PRKCQ: variants seen among roughly 807,000 people sequenced by gnomAD.
The protein encoded by PRKCQ is protein kinase C theta.
PRKCQ carries 41 observed loss-of-function variants against 91.2 expected under a neutral mutation model. The ratio of observed to expected loss-of-function variants is 0.45; its 90% CI spans 0.35 to 0.58. The LOEUF is 0.58. PRKCQ is among the 20% of genes least tolerant of loss of function. The pLI, the probability that PRKCQ is intolerant of heterozygous loss-of-function variation, is 0.00. For synonymous variants in PRKCQ, 307 were observed against 316.9 expected (o/e 0.97, Z 0.33); for missense variants, 673 against 896.5 (o/e 0.75, Z 3.18).
chr10:6,404,406 TC>T, the PRKCQ span, among the ~76,000 whole-genome samples: 1 of 151,010 alleles, frequency 6.6e-6, no homozygotes, highest in Non-Finnish European at 1.5e-5. Flanking sequence ...TTTCTTTCCT[TC>T]TTTCTTTCTT....
chr10:6,430,835 A>G lies in PRKCQ; in HGVS notation c.1940T>C (p.Ile647Thr), dbSNP rs763811294. 21 of 1,613,988 alleles carry G rather than the reference A, an allele frequency of 1.3e-5. No homozygotes were observed. The highest frequency in any genetic ancestry group is 6.7e-5 in the Admixed American group (4 of 60,002). Reference sequence around the variant, plus strand: ...CACTTTCGGCCGGAACGGTGGGTCAATCTCCTTCCGTTCAAGTTCCTCCCA... The same window carrying G: ...CACTTTCGGCCGGAACGGTGGGTCAGTCTCCTTCCGTTCAAGTTCCTCCCA... ...INWEELERKEIDPPFRPKVKS... is the reference protein window; with the variant it reads ...INWEELERKETDPPFRPKVKS... The change falls in exon 17 of 18, where the codon ATT (isoleucine) becomes ACT (threonine). Residue 647 changes from isoleucine to threonine, a missense_variant. By Grantham distance (89) the Ile-to-Thr change is moderately conservative. Transcript: ENST00000263125. This position sits in a 1 kb window ranked among gnomAD's most constrained non-coding sequence, Gnocchi z 4.7.
At position 6,491,793 on chromosome 10, in the gene PRKCQ, T is replaced by C; in HGVS notation, c.680A>G (p.Lys227Arg). 1 of 1,614,216 alleles carries C rather than the reference T, an allele frequency of 6.2e-7. No individual in the cohort carries two copies. Reference sequence around the variant, plus strand: ...TTTAAATCTGTGTGGCATGTCAATTTTGAATCTCTCCTTGTGGAACTGAAA... The same window carrying C: ...TTTAAATCTGTGTGGCATGTCAATTCTGAATCTCTCCTTGTGGAACTGAAA... ...RETMFHKERF[K>R]IDMPHRFKVY... The change falls in exon 8 of 18, where the codon AAA (lysine) becomes AGA (arginine). Residue 227 changes from lysine (K) to arginine (R), a missense_variant. By Grantham distance (26) the Lys-to-Arg change is conservative. Coordinates refer to ENST00000263125, the MANE Select transcript of PRKCQ (RefSeq NM_006257.5).
rs532569304 is a variant in PRKCQ, at chr10:6,577,046, CTGAT to C, written c.-10+3161_-10+3164del. ...CCATATTTCATTGGTTTTGTTGATGCTGATTATTATTATTATAATTAATACTATT... is the reference window on the plus strand; with the variant it reads ...CCATATTTCATTGGTTTTGTTGATGCTATTATTATTATAATTAATACTATT... On this transcript the variant is annotated intron_variant, in intron 1 of 17. Transcript: ENST00000263125. Among the ~76,000 whole-genome samples the C allele has an allele frequency of 1.6e-3, 251 of 152,194 alleles. 2 individuals are homozygous for C. Among genetic ancestry groups the C allele is most frequent in the African/African-American group, 5.5e-3 (228 of 41,518 alleles).
the PRKCQ span, among the ~76,000 whole-genome samples, chr10:6,412,425 T>G: frequency 0.99 from 150,500 of 152,332 alleles, 74,363 homozygotes; most frequent in East Asian, 1. Flanking sequence ...AAGTTCATTT[T>G]TAATAGCACA....
chr10:6,413,725 GCGCGCGCA>G, the PRKCQ span, among the ~76,000 whole-genome samples: 48 of 55,744 alleles, frequency 8.6e-4, 13 homozygotes, highest in African/African-American at 4.2e-3. Flanking sequence ...TGCCACTTGT[GCGCGCGCA>G]CACACACACA....
At chr10:6,472,997 G>A (rs1279205955) in intron 12 of PRKCQ, among the ~76,000 whole-genome samples, 1 of 152,222 alleles carries the variant, frequency 6.6e-6, no homozygotes, top group Non-Finnish European at 1.5e-5. Context: ...ACAGGTGTGA[G>A]CCACCGTGCC....
intron 12 of PRKCQ, among the ~76,000 whole-genome samples, chr10:6,476,602 G>C (rs1338863624): frequency 6.6e-6 from 1 of 152,006 alleles, no homozygotes; most frequent in Non-Finnish European, 1.5e-5. Flanking sequence ...ATTTAAAATG[G>C]TTATATAGTA....
chr10:6,511,091 C>A lies in PRKCQ; in HGVS notation c.222G>T (p.Val74=), dbSNP rs1188281255. 6.2e-7 allele frequency: 1 copy of A among 1,614,170 alleles called. No homozygotes were observed. The highest frequency in any genetic ancestry group is 1.7e-5 in the Admixed American group (1 of 60,012). The change falls in exon 3 of 18, where the codon GTG becomes GTT. Residue 74 remains valine, a synonymous_variant. Transcript: ENST00000263125. ...AGATGAGGTCCACGTTTTTGCCTTTCACAATGATCTGCATGACTCTTCCCT... is the reference window on the plus strand; with the variant it reads ...AGATGAGGTCCACGTTTTTGCCTTTAACAATGATCTGCATGACTCTTCCCT... ...INKGRVMQII[V]KGKNVDLISE...
intron 1 of PRKCQ, among the ~76,000 whole-genome samples, chr10:6,527,943 C>T (rs1009915356): frequency 2.6e-5 from 4 of 152,208 alleles, no homozygotes; most frequent in African/African-American, 9.6e-5. Context: ...TTCCCAGGTA[C>T]AGAAGAAGGG....
intron 14 of PRKCQ, among the ~76,000 whole-genome samples, chr10:6,458,397 T>A (rs1479218329): frequency 6.6e-6 from 1 of 152,112 alleles, no homozygotes; most frequent in Non-Finnish European, 1.5e-5. Context: ...TTCTGAGGCA[T>A]GTCATGCTTA....
intron 15 of PRKCQ, among the ~76,000 whole-genome samples, chr10:6,450,437 T>A (rs1554765011): frequency 6.6e-6 from 1 of 152,170 alleles, no homozygotes; most frequent in Non-Finnish European, 1.5e-5. Flanking sequence ...AAGCAAGTCC[T>A]GAGTGACCTA....
intron 4 of PRKCQ, 81 bp from the exon 5 acceptor site, chr10:6,498,639 G>A: frequency 1.4e-6 from 2 of 1,415,306 alleles, no homozygotes; most frequent in South Asian, 2.6e-5. Context: ...AGGGGAGGGA[G>A]ATGGGCAAGG....
chr10:6,556,304 C>T (rs1016169844), intron 1 of PRKCQ, among the ~76,000 whole-genome samples: 7 of 151,774 alleles, frequency 4.6e-5, no homozygotes, highest in South Asian at 4.2e-4. Context: ...CAGTGGCATA[C>T]GCTTGTAGTC....
intron 14 of PRKCQ, among the ~76,000 whole-genome samples, chr10:6,458,495 A>G (rs934581125): frequency 6.6e-6 from 1 of 152,156 alleles, no homozygotes; most frequent in African/African-American, 2.4e-5. Context: ...TCAGAGGAGA[A>G]GCAGGCCATC....
chr10:6,394,184 T>A, the PRKCQ span, among the ~76,000 whole-genome samples: 1 of 152,240 alleles, frequency 6.6e-6, no homozygotes, highest in Admixed American at 6.5e-5. Flanking sequence ...ATTCCTTATC[T>A]TTGGTGATAA....
chr10:6,450,426 A>G (rs1834595837), intron 15 of PRKCQ, among the ~76,000 whole-genome samples: 2 of 152,208 alleles, frequency 1.3e-5, no homozygotes, highest in Non-Finnish European at 2.9e-5. Context: ...CCAGATTCAT[A>G]AAGCAAGTCC....
chr10:6,409,539 C>T, the PRKCQ span, among the ~76,000 whole-genome samples: 4 of 152,136 alleles, frequency 2.6e-5, no homozygotes, highest in Admixed American at 2.6e-4. Flanking sequence ...AAGTGCTCCG[C>T]CCGCCTCGGC....
downstream of PRKCQ, among the ~76,000 whole-genome samples, chr10:6,426,466 G>A (rs2132212768): frequency 6.6e-6 from 1 of 152,322 alleles, no homozygotes; most frequent in African/African-American, 2.4e-5. Flanking sequence ...TTGGAGCAAG[G>A]GGAGGACAAG....
intron 16 of PRKCQ, among the ~76,000 whole-genome samples, chr10:6,431,221 G>A (rs1833405712): frequency 6.6e-6 from 1 of 152,170 alleles, no homozygotes; most frequent in Non-Finnish European, 1.5e-5. Context: ...TGACAAACCT[G>A]AGTCAGTTTC....
Sources: gnomAD v4.1 joint callset for allele counts (sites outside exome capture counted in the v4.1 genomes callset) on GRCh38, gnomAD v4.1.1 for gene constraint, Gnocchi (gnomAD v3.1) non-coding constraint, MANE v1.5 for transcripts, NCBI Gene and HGNC (gene_info 2026-07-23, HGNC 2026-07-21) for gene names.